Variants in SIK2 observed in about 807,000 individuals in gnomAD.
The protein encoded by SIK2 is serine/threonine-protein kinase SIK2.
SIK2 carries 29 observed loss-of-function variants against 103.2 expected under a neutral mutation model. That is an observed-to-expected ratio of 0.28 (90% confidence interval 0.21 to 0.38). The LOEUF is 0.38. SIK2 is among the 10% of genes least tolerant of loss of function. SIK2 has a pLI of 1.00. For synonymous variants in SIK2, 412 were observed against 446.1 expected (o/e 0.92, Z 0.96); for missense variants, 879 against 1,171.0 (o/e 0.75, Z 3.64).
intron 3 of SIK2, among the ~76,000 whole-genome samples, chr11:111,634,123 T>A (rs1019446910): frequency 6.6e-6 from 1 of 152,186 alleles, no homozygotes; most frequent in African/African-American, 2.4e-5. Context: ...GGTCTTTATT[T>A]ACAGATTTCT....
chr11:111,722,188 C>T lies in SIK2; in HGVS notation c.2055+248C>T, dbSNP rs535208486. Among the ~76,000 whole-genome samples, 5 of 152,268 alleles carry T rather than the reference C, an allele frequency of 3.3e-5. No individual in the cohort carries two copies. In the East Asian group the frequency reaches 9.7e-4, roughly 29 times the overall value. ...AGGATATGCCACTGAGGGGTGGGAA[C>T]GGGAGACCTGGCTTCTTTCTTTCTA... On this transcript the variant is annotated intron_variant, in intron 13 of 14. Coordinates refer to ENST00000304987, the MANE Select transcript of SIK2 (RefSeq NM_015191.3). The surrounding 1 kb of genome is among the most constrained non-coding windows in gnomAD (Gnocchi z 4.4).
chr11:111,668,189 T>TGTGC (rs2135877778), intron 3 of SIK2, among the ~76,000 whole-genome samples: 1 of 151,714 alleles, frequency 6.6e-6, no homozygotes, highest in Non-Finnish European at 1.5e-5. Flanking sequence ...AGTGTGTGTG[T>TGTGC]GTGTGTGTGT....
chr11:111,603,345 G>T (rs1193536526), intron 1 of SIK2, among the ~76,000 whole-genome samples: 2 of 152,102 alleles, frequency 1.3e-5, no homozygotes, highest in Non-Finnish European at 2.9e-5. Flanking sequence ...TCCATTTAAT[G>T]CCCCAGACAA....
At chr11:111,713,155 A>G (rs2135950881) in intron 9 of SIK2, among the ~76,000 whole-genome samples, 1 of 151,918 alleles carries the variant, frequency 6.6e-6, no homozygotes, top group South Asian at 2.1e-4. Context: ...ACAGAGTGAG[A>G]CTCCATCTCA....
intron 3 of SIK2, among the ~76,000 whole-genome samples, chr11:111,662,712 A>G (rs1184681423): frequency 1.3e-5 from 2 of 151,834 alleles, no homozygotes; most frequent in African/African-American, 4.8e-5. Context: ...CCCTGTCTCT[A>G]CAAAAGATAC....
At chr11:111,654,920 A>G (rs1028385443) in intron 3 of SIK2, among the ~76,000 whole-genome samples, 5 of 152,206 alleles carry the variant, frequency 3.3e-5, no homozygotes, top group African/African-American at 1.2e-4. Context: ...TTTGTTTCTC[A>G]CTTGAAATTG....
intron 3 of SIK2, among the ~76,000 whole-genome samples, chr11:111,645,768 T>C (rs1468309343): frequency 6.6e-6 from 1 of 150,494 alleles, no homozygotes; most frequent in East Asian, 2.0e-4. Context: ...TGAGCCGAGA[T>C]GATGCCATTG....
intron 3 of SIK2, among the ~76,000 whole-genome samples, chr11:111,649,481 C>CT (rs1229611420): frequency 3.3e-5 from 5 of 151,738 alleles, no homozygotes; most frequent in Non-Finnish European, 5.9e-5. Context: ...TACTTTTATA[C>CT]TTTTTTCCCT....
At chr11:111,692,093 G>A (rs1942954674) in intron 4 of SIK2, among the ~76,000 whole-genome samples, 1 of 152,038 alleles carries the variant, frequency 6.6e-6, no homozygotes, top group Non-Finnish European at 1.5e-5. Context: ...GCTTATGCCT[G>A]TAATCCTAGC....
intron 3 of SIK2, among the ~76,000 whole-genome samples, chr11:111,655,026 A>G (rs1014516154): frequency 6.6e-6 from 1 of 152,254 alleles, no homozygotes; most frequent in African/African-American, 2.4e-5. Flanking sequence ...TATTTAAAGC[A>G]TTGTTCTACA....
intron 1 of SIK2, among the ~76,000 whole-genome samples, chr11:111,615,714 A>G (rs1206398699): frequency 5.3e-5 from 8 of 152,222 alleles, no homozygotes; most frequent in Non-Finnish European, 7.4e-5. Context: ...TTGCACTTCA[A>G]TTTTTAAAAG....
At chr11:111,686,430 ACT>A (rs1257443524) in intron 3 of SIK2, among the ~76,000 whole-genome samples, 4 of 152,124 alleles carry the variant, frequency 2.6e-5, no homozygotes, top group African/African-American at 4.8e-5. Context: ...GACAGACAAG[ACT>A]CTGTCTCGAA....
chr11:111,646,056 A>G (rs111888836), intron 3 of SIK2, among the ~76,000 whole-genome samples: 1,988 of 152,282 alleles, frequency 0.013, 20 homozygotes, highest in Middle Eastern at 0.054. Context: ...TGATGATAGC[A>G]TTAAGTATAG....
Position 111,726,888 on chromosome 11 carries a change from G to T in SIK2, c.*2759G>T. On this transcript the variant is annotated 3_prime_UTR_variant, in exon 15 of 15. Transcript: ENST00000304987. ...AGAGACTTTGGTGAGATGAACGTGA[G>T]GTAAAAATTTCGTTCGGCAAAAAGT... 1 of 1,357,168 alleles carries T rather than the reference G, an allele frequency of 7.4e-7. No individual in the cohort carries two copies. Among genetic ancestry groups the T allele is most frequent in the Non-Finnish European group, 1.0e-6 (1 of 958,032 alleles). 84.1% of individuals were successfully genotyped at this position (1,357,168 alleles called of 1,614,324 possible).
rs1289292778 is a variant in SIK2, at chr11:111,722,780, G to A, written c.2147+24G>A. ...AGGTGAGAAGGGGACTTTGGCCAAA[G>A]AAGTTGCTTCCTTTTCTGGAAGCCT... On this transcript the variant is annotated intron_variant, in intron 14 of 14. Coordinates refer to ENST00000304987, the MANE Select transcript of SIK2 (RefSeq NM_015191.3). The surrounding 1 kb of genome is among the most constrained non-coding windows in gnomAD (Gnocchi z 4.4). The A allele has an allele frequency of 1.2e-6, 2 of 1,606,562 alleles. No homozygotes were observed. The highest frequency in any genetic ancestry group is 1.7e-6 in the Non-Finnish European group (2 of 1,176,108).
At chr11:111,664,716 A>C (rs1464989126) in intron 3 of SIK2, among the ~76,000 whole-genome samples, 2 of 118,968 alleles carry the variant, frequency 1.7e-5, no homozygotes, top group African/African-American at 3.2e-5. Context: ...ACACCTCTAC[A>C]CCCCTCCCAT....
At chr11:111,681,657 G>A (rs1321337171) in intron 3 of SIK2, among the ~76,000 whole-genome samples, 2 of 152,096 alleles carry the variant, frequency 1.3e-5, no homozygotes, top group Admixed American at 1.3e-4. Context: ...TAAAGAGGAA[G>A]AATTAAGCAT....
At position 111,688,574 on chromosome 11, in the gene SIK2, G is replaced by A. The variant is rs114584856; in HGVS notation, c.478+412G>A. Among the ~76,000 whole-genome samples the A allele has an allele frequency of 0.01, 1,524 of 152,274 alleles. 25 individuals are homozygous for A. Among genetic ancestry groups the A allele is most frequent in the African/African-American group, 0.034 (1,430 of 41,542 alleles). ...GAGAAAAGGCAAAAGAAGTGATGGA[G>A]GTAGAATGAGAAATAGTTGAGACAG... On this transcript the variant is annotated intron_variant, in intron 4 of 14. Transcript: ENST00000304987. This position sits in a 1 kb window ranked among gnomAD's most constrained non-coding sequence, Gnocchi z 4.2.
At chr11:111,697,348 AGAT>A (rs1943100686) in intron 4 of SIK2, among the ~76,000 whole-genome samples, 2 of 152,232 alleles carry the variant, frequency 1.3e-5, no homozygotes, top group South Asian at 4.1e-4. Context: ...TGTTGTCTGC[AGAT>A]GATATGCTGA....
Sources: gnomAD v4.1 joint callset for allele counts (sites outside exome capture counted in the v4.1 genomes callset) on GRCh38, gnomAD v4.1.1 for gene constraint, Gnocchi (gnomAD v3.1) non-coding constraint, MANE v1.5 for transcripts, NCBI Gene and HGNC (gene_info 2026-07-23, HGNC 2026-07-21) for gene names.